Variants in PDCD11 observed in about 807,000 individuals in gnomAD.
PDCD11 encodes the protein protein RRP5 homolog.
A neutral mutation model predicts 198.9 loss-of-function variants in PDCD11; 97 were observed. The ratio of observed to expected loss-of-function variants is 0.49; its 90% confidence interval spans 0.41 to 0.58. PDCD11 has a LOEUF of 0.58. PDCD11 is among the 20% of genes least tolerant of loss of function. The probability of loss-of-function intolerance (pLI) is 0.00; values close to 1 mark genes in which losing one functional copy is unlikely to be tolerated. For synonymous variants in PDCD11, 893 were observed against 918.0 expected (o/e 0.97, Z 0.49); for missense variants, 2,102 against 2,312.7 (o/e 0.91, Z 1.87).
rs1278923639 is a variant in PDCD11, at chr10:103,445,527, A to G, written c.5594A>G (p.Lys1865Arg). 1.2e-6 allele frequency: 2 copies of G among 1,613,740 alleles called. No homozygotes were observed. Among genetic ancestry groups the G allele is most frequent in the Non-Finnish European group, 1.7e-6 (2 of 1,180,022 alleles). The change falls in exon 36 of 36, where the codon AAG becomes AGG. Residue 1865 changes from lysine to arginine, a missense_variant. Lys to Arg is a conservative substitution (Grantham distance 26). Coordinates refer to ENST00000369797, the MANE Select transcript of PDCD11 (RefSeq NM_014976.2). ...AAGGCCCTGGAGTATGTGGAGGCCAAGAGCTCAGTGCTAGAGGACTAGTGG... is the reference window on the plus strand; with the variant it reads ...AAGGCCCTGGAGTATGTGGAGGCCAGGAGCTCAGTGCTAGAGGACTAGTGG... ...KAKALEYVEA[K>R]SSVLED
rs778880723 is a variant in PDCD11 at position 103,425,439 on chromosome 10, A to G, written c.3219A>G (p.Pro1073=). The G allele has an allele frequency of 1.9e-6, 3 of 1,614,084 alleles. No individual in the cohort carries two copies. The highest frequency in any genetic ancestry group is 2.2e-5 in the South Asian group (2 of 91,078). ...IHASHILDDV[P]EGTSPTTKLK... ...CCTCCCACATTCTAGATGATGTTCC[A>G]GAGGGCACCTCTCCTACTACCAAGC... Residue 1073 remains proline, a synonymous_variant, in exon 20 of 36, where the codon CCA becomes CCG. Transcript: ENST00000369797.
Position 103,423,084 on chromosome 10 carries a change from G to T in PDCD11, c.2594G>T (p.Ser865Ile). ...TTGGAAGATGGCTCTGTGGTATTCAGTGGGGGTCCAGTGCCCGACCTGGTC... is the reference window on the plus strand; with the variant it reads ...TTGGAAGATGGCTCTGTGGTATTCATTGGGGGTCCAGTGCCCGACCTGGTC... ...EVLEDGSVVF[S>I]GGPVPDLVLK... is the part of the protein sequence containing the mutation. Residue 865 changes from serine (S) to isoleucine (I), a missense_variant, in exon 18 of 36, where the codon AGT becomes ATT. Transcript: ENST00000369797. 6.2e-7 allele frequency: 1 copy of T among 1,606,066 alleles called. No homozygotes were observed. The highest frequency in any genetic ancestry group is 1.7e-4 in the Middle Eastern group (1 of 6,052).
At chr10:103,414,975 A>G (rs1361025112) in intron 11 of PDCD11, 30 bp from the exon 12 acceptor site, 6 of 1,612,426 alleles carry the variant, frequency 3.7e-6, no homozygotes, top group East Asian at 2.2e-5. Context: ...TTCTTGAGAC[A>G]TTGTGGCAGC....
chr10:103,401,730 A>G (rs1336791984), intron 3 of PDCD11, among the ~76,000 whole-genome samples: 2 of 152,222 alleles, frequency 1.3e-5, no homozygotes, highest in Admixed American at 1.3e-4. Flanking sequence ...TGCCAACATT[A>G]GAAAACTAAA....
chr10:103,401,231 C>T (rs1321483189), intron 3 of PDCD11, among the ~76,000 whole-genome samples: 4 of 151,890 alleles, frequency 2.6e-5, no homozygotes, highest in Non-Finnish European at 5.9e-5. Context: ...GTGTTCCTTA[C>T]ATTTTTATTT....
chr10:103,428,684 G>A (rs1380116909), intron 21 of PDCD11, among the ~76,000 whole-genome samples: 1 of 152,160 alleles, frequency 6.6e-6, no homozygotes, highest in Non-Finnish European at 1.5e-5. Context: ...TGAACTCTGT[G>A]GGAACACTGA....
intron 20 of PDCD11, 40 bp downstream of exon 20, chr10:103,425,565 T>A (rs1415070836): frequency 6.5e-7 from 1 of 1,549,502 alleles, no homozygotes; most frequent in African/African-American, 1.4e-5. Context: ...CGAGGGAGAT[T>A]GTTGTTGTTG....
Position 103,417,817 on chromosome 10 carries a change from G to C in PDCD11, c.1796G>C (p.Cys599Ser). 1 of 1,614,136 alleles carries C rather than the reference G, an allele frequency of 6.2e-7. No individual in the cohort carries two copies. Among genetic ancestry groups the C allele is most frequent in the Non-Finnish European group, 8.5e-7 (1 of 1,180,022 alleles). The change falls in exon 14 of 36, where the codon TGT (cysteine) becomes TCT (serine). Residue 599 changes from cysteine (C) to serine (S), a missense_variant. By Grantham distance (112) the Cys-to-Ser change is moderately radical. Coordinates refer to ENST00000369797, the MANE Select transcript of PDCD11 (RefSeq NM_014976.2). ...GTGGTGAAGGTTGTCGTATTGAACT[G>C]TGAGCCATCCAAAGAGAGGATGCTC... ...GQVVKVVVLN[C>S]EPSKERMLLS...
chr10:103,409,613 G>A, intron 7 of PDCD11, 86 bp from the exon 8 acceptor site: 1 of 838,046 alleles, frequency 1.2e-6, no homozygotes, highest in Non-Finnish European at 2.1e-6. Flanking sequence ...GGATACTATG[G>A]CATTGAGTGT....
At chr10:103,445,344 G>T in intron 35 of PDCD11, 34 bp from the exon 36 acceptor site, 1 of 1,611,270 alleles carries the variant, frequency 6.2e-7, no homozygotes, top group South Asian at 1.1e-5. Flanking sequence ...ACCTGGGACT[G>T]ACAGGCAAAT....
At position 103,430,078 on chromosome 10, in the gene PDCD11, C is replaced by T. The variant is rs369099515; in HGVS notation, c.3369-2051C>T. On this transcript the variant is annotated intron_variant, in intron 21 of 35. Transcript: ENST00000369797. The stretch of plus-strand genomic sequence containing the variant: ...TGATCATGGCTGACTACAGCCTTGA[C>T]GTTCTGGGCTCAAGTGATCCCCCTC... Among the ~76,000 whole-genome samples the T allele has an allele frequency of 3.3e-4, 50 of 152,218 alleles. No homozygotes were observed. The South Asian group carries it at 9.5e-3, about 29-fold the overall frequency.
chr10:103,399,643 T>G (rs1334835026), intron 2 of PDCD11: 1 of 152,190 alleles, frequency 6.6e-6, no homozygotes, highest in Admixed American at 6.5e-5. Flanking sequence ...GTGTGTGGCT[T>G]TAGGTCTGTA....
chr10:103,424,556 ACT>A (rs1160628145), intron 19 of PDCD11, among the ~76,000 whole-genome samples: 2 of 151,770 alleles, frequency 1.3e-5, no homozygotes, highest in East Asian at 1.9e-4. Context: ...CTCAGTAATG[ACT>A]CTATTCATTG....
intron 3 of PDCD11, among the ~76,000 whole-genome samples, chr10:103,401,721 G>A (rs2030077756): frequency 6.6e-6 from 1 of 152,130 alleles, no homozygotes; most frequent in Non-Finnish European, 1.5e-5. Flanking sequence ...TAGACTTGGT[G>A]CCAACATTAG....
intron 25 of PDCD11, among the ~76,000 whole-genome samples, chr10:103,435,604 C>T (rs912310197): frequency 6.6e-6 from 1 of 151,892 alleles, no homozygotes; most frequent in African/African-American, 2.4e-5. Flanking sequence ...CAGTCTCCTC[C>T]CAAGTTCAAG....
chr10:103,444,635 G>A lies in PDCD11; in HGVS notation c.5397G>A (p.Ser1799=). 1.9e-6 allele frequency: 3 copies of A among 1,614,122 alleles called. No individual in the cohort carries two copies. Among genetic ancestry groups the A allele is most frequent in the African/African-American group, 1.3e-5 (1 of 75,058 alleles). ...STYPKRTDVW[S]VYIDMTIKHG... Reference sequence around the variant, plus strand: ...ACCCAAAGCGCACAGATGTCTGGTCGGTCTATATCGACATGACCATCAAGC... The same window carrying A: ...ACCCAAAGCGCACAGATGTCTGGTCAGTCTATATCGACATGACCATCAAGC... Residue 1799 remains serine (S), a synonymous_variant, in exon 35 of 36, where the codon TCG becomes TCA. Coordinates refer to ENST00000369797, the MANE Select transcript of PDCD11 (RefSeq NM_014976.2).
At chr10:103,423,697 T>C in intron 19 of PDCD11, 39 bp downstream of exon 19, 1 of 1,331,256 alleles carries the variant, frequency 7.5e-7, no homozygotes, top group African/African-American at 1.4e-5. Flanking sequence ...TGGTTTCACA[T>C]GATGTACCCT....
intron 9 of PDCD11, 80 bp from the exon 10 acceptor site, chr10:103,413,886 G>C: frequency 7.3e-7 from 1 of 1,363,270 alleles, no homozygotes; most frequent in Non-Finnish European, 9.9e-7. Flanking sequence ...TAAGTGTTGA[G>C]TCCTCTCTAT....
intron 7 of PDCD11, among the ~76,000 whole-genome samples, chr10:103,409,410 A>G (rs2030658769): frequency 6.6e-6 from 1 of 151,890 alleles, no homozygotes; most frequent in African/African-American, 2.4e-5. Context: ...TTCCCCAAGG[A>G]TACATATACA....
Sources: allele counts gnomAD v4.1 joint callset (sites outside exome capture counted in the v4.1 genomes callset), GRCh38; gene constraint gnomAD v4.1.1; transcripts MANE v1.5; gene names NCBI Gene and HGNC (gene_info 2026-07-23, HGNC 2026-07-21).